FHIT: variants seen among roughly 807,000 people sequenced by gnomAD.
FHIT encodes fragile histidine triad diadenosine triphosphatase.
In FHIT, 19 loss-of-function variants were observed where a neutral mutation model predicts 17.9. That is an observed-to-expected ratio of 1.06 (90% CI 0.74 to 1.56). FHIT has a LOEUF of 1.56. Ranked by LOEUF, FHIT falls within the 40% of genes most tolerant of loss-of-function variation. FHIT has a pLI of 0.00. For synonymous variants in FHIT, 81 were observed against 69.7 expected (o/e 1.16, Z -0.81); for missense variants, 248 against 189.2 (o/e 1.31, Z -1.82).
intron 4 of FHIT, among the ~76,000 whole-genome samples, chr3:60,688,339 C>T (rs1553698911): frequency 6.6e-6 from 1 of 151,874 alleles, no homozygotes; most frequent in Non-Finnish European, 1.5e-5. Context: ...GATGATAATA[C>T]TAAGAAAATG....
chr3:60,775,013 T>C (rs541483338), intron 4 of FHIT, among the ~76,000 whole-genome samples: 2 of 152,222 alleles, frequency 1.3e-5, no homozygotes, highest in Non-Finnish European at 2.9e-5. Context: ...ACTATGCCCA[T>C]CTTTATAAAG....
At chr3:59,929,992 C>T (rs939501415) in intron 7 of FHIT, among the ~76,000 whole-genome samples, 1 of 151,732 alleles carries the variant, frequency 6.6e-6, no homozygotes, top group Non-Finnish European at 1.5e-5. Flanking sequence ...GAAAGGAGGC[C>T]AATATAGGAT....
chr3:60,726,383 T>A (rs1553709568), intron 4 of FHIT, among the ~76,000 whole-genome samples: 1 of 152,182 alleles, frequency 6.6e-6, no homozygotes, highest in Non-Finnish European at 1.5e-5. Context: ...ATAGATGGCA[T>A]CAATTTTCAA....
chr3:60,162,795 T>C (rs17062392), intron 5 of FHIT, among the ~76,000 whole-genome samples: 28,682 of 152,154 alleles, frequency 0.19, 3,448 homozygotes, highest in East Asian at 0.34. Flanking sequence ...AAAAACACTG[T>C]TCACAAGTAC....
chr3:60,653,234 A>G (rs1482294650), intron 4 of FHIT, among the ~76,000 whole-genome samples: 9 of 152,198 alleles, frequency 5.9e-5, no homozygotes, highest in Non-Finnish European at 1.2e-4. Flanking sequence ...AATAAAATCT[A>G]GTTAATATCG....
chr3:59,887,348 T>C (rs1440286718), intron 8 of FHIT, among the ~76,000 whole-genome samples: 1 of 152,154 alleles, frequency 6.6e-6, no homozygotes, highest in East Asian at 1.9e-4. Context: ...GGATCTAAAT[T>C]CCACATTTGT....
intron 2 of FHIT, among the ~76,000 whole-genome samples, chr3:61,065,506 A>C (rs972379979): frequency 6.6e-6 from 1 of 152,190 alleles, no homozygotes; most frequent in African/African-American, 2.4e-5. Context: ...AGAGAAATTA[A>C]ATGGCACAGC....
At chr3:60,383,566 C>G (rs1700892679) in intron 5 of FHIT, among the ~76,000 whole-genome samples, 1 of 151,852 alleles carries the variant, frequency 6.6e-6, no homozygotes, top group Non-Finnish European at 1.5e-5. Context: ...AAAATGTCAA[C>G]AACGCCAAGG....
intron 5 of FHIT, among the ~76,000 whole-genome samples, chr3:60,361,295 C>T (rs1026589294): frequency 1.3e-5 from 2 of 152,156 alleles, no homozygotes; most frequent in African/African-American, 2.4e-5. Context: ...AATCTCAGAT[C>T]AGAGATGGTG....
intron 5 of FHIT, among the ~76,000 whole-genome samples, chr3:60,469,289 A>G (rs528233430): frequency 1.3e-5 from 2 of 151,868 alleles, no homozygotes; most frequent in Non-Finnish European, 2.9e-5. Flanking sequence ...TAACTCTTAG[A>G]TTGCCCTTTT....
chr3:60,546,449 T>A (rs2107616137), intron 4 of FHIT, among the ~76,000 whole-genome samples: 1 of 152,346 alleles, frequency 6.6e-6, no homozygotes, highest in Middle Eastern at 3.4e-3. Flanking sequence ...ATATCCCATC[T>A]TCGTCATGTC....
intron 4 of FHIT, among the ~76,000 whole-genome samples, chr3:60,576,612 A>G (rs1050275444): frequency 6.6e-6 from 1 of 152,174 alleles, no homozygotes; most frequent in Admixed American, 6.5e-5. Flanking sequence ...ATTTATTTCA[A>G]TTGGGAGTGA....
intron 5 of FHIT, among the ~76,000 whole-genome samples, chr3:60,308,496 GTATATATATATATATA>G (rs5849349): frequency 1.6e-4 from 22 of 140,952 alleles, no homozygotes; most frequent in East Asian, 1.2e-3. Flanking sequence ...AGGTGTATGT[GTATATATATATATATA>G]TATATATATA....
chr3:60,099,507 C>A (rs1012429992), intron 5 of FHIT, among the ~76,000 whole-genome samples: 1 of 152,136 alleles, frequency 6.6e-6, no homozygotes, highest in African/African-American at 2.4e-5. Context: ...GGCTGTTAAC[C>A]TGTACCCTCT....
Position 60,048,449 on chromosome 3 carries a change from T to C in FHIT, c.104-34297A>G, listed in dbSNP as rs183929982. ...CCTCGGCCTCCCAGAGTGCTGGGATTACAGGCGTGAGTCTCTACGACCGGC... is the reference window on the plus strand; with the variant it reads ...CCTCGGCCTCCCAGAGTGCTGGGATCACAGGCGTGAGTCTCTACGACCGGC... On this transcript the variant is annotated intron_variant, in intron 5 of 9. Coordinates refer to ENST00000492590, the MANE Select transcript of FHIT (RefSeq NM_002012.4). Among the ~76,000 whole-genome samples, 570 of 152,306 alleles carry C rather than the reference T, an allele frequency of 3.7e-3. 9 individuals carry two copies. The highest frequency in any genetic ancestry group is 3.8e-3 in the Non-Finnish European group (258 of 68,026).
At chr3:60,596,653 T>C (rs1055296888) in intron 4 of FHIT, among the ~76,000 whole-genome samples, 1 of 152,164 alleles carries the variant, frequency 6.6e-6, no homozygotes, top group Admixed American at 6.6e-5. Flanking sequence ...TCACTGGGAC[T>C]GTAAGCTCCT....
At chr3:61,210,224 G>A (rs915726982) in intron 1 of FHIT, among the ~76,000 whole-genome samples, 1 of 152,216 alleles carries the variant, frequency 6.6e-6, no homozygotes, top group Non-Finnish European at 1.5e-5. Context: ...CTAGTGCGGG[G>A]TACCTCCCAG....
At chr3:60,330,086 TG>T (rs1487682867) in intron 5 of FHIT, among the ~76,000 whole-genome samples, 1 of 152,166 alleles carries the variant, frequency 6.6e-6, no homozygotes, top group Non-Finnish European at 1.5e-5. Context: ...ATTTAGCAAA[TG>T]GCTGTGGAAT....
At chr3:61,167,221 T>G (rs1272663189) in intron 2 of FHIT, among the ~76,000 whole-genome samples, 1 of 151,816 alleles carries the variant, frequency 6.6e-6, no homozygotes, top group Admixed American at 6.6e-5. Flanking sequence ...ATTTTATATT[T>G]ATATCCCTAT....
Sources: gnomAD v4.1 joint callset for allele counts (sites outside exome capture counted in the v4.1 genomes callset) on GRCh38, gnomAD v4.1.1 for gene constraint, MANE v1.5 for transcripts, NCBI Gene and HGNC (gene_info 2026-07-23, HGNC 2026-07-21) for gene names.